CCSER1: variants seen among roughly 807,000 people sequenced by gnomAD.
The protein encoded by CCSER1 is coiled-coil serine rich protein 1.
In CCSER1, 41 loss-of-function variants were observed where a neutral mutation model predicts 82.0. The ratio of observed to expected loss-of-function variants is 0.50; its 90% CI spans 0.39 to 0.65. The LOEUF (loss-of-function observed/expected upper bound fraction) is 0.65, where lower values mean the gene tolerates loss of function less well. CCSER1 is among the 30% of genes least tolerant of loss of function. The pLI, the probability that CCSER1 is intolerant of heterozygous loss-of-function variation, is 0.00. For missense variants in CCSER1, 1,119 were observed against 1,064.2 expected (o/e 1.05, Z -0.72); for synonymous variants, 414 against 383.9 (o/e 1.08, Z -0.92).
intron 10 of CCSER1, among the ~76,000 whole-genome samples, chr4:91,201,686 C>T (rs1735911434): frequency 6.6e-6 from 1 of 152,030 alleles, no homozygotes; most frequent in Admixed American, 6.6e-5. Flanking sequence ...GTGATTACGT[C>T]TGAATTTCTG....
chr4:90,699,394 G>A (rs923301021), intron 6 of CCSER1, among the ~76,000 whole-genome samples: 5 of 152,152 alleles, frequency 3.3e-5, no homozygotes, highest in Non-Finnish European at 7.3e-5. Context: ...GAACCTGGGA[G>A]GTGAAGGTTA....
chr4:90,852,236 TAGCGTATAA>T (rs1763972626), intron 8 of CCSER1, among the ~76,000 whole-genome samples: 1 of 152,212 alleles, frequency 6.6e-6, no homozygotes, highest in African/African-American at 2.4e-5. Context: ...TCTTGCTGAA[TAGCGTATAA>T]TTATGGCTCA....
intron 8 of CCSER1, among the ~76,000 whole-genome samples, chr4:90,836,649 C>T (rs1254817928): frequency 6.6e-6 from 1 of 152,176 alleles, no homozygotes; most frequent in East Asian, 1.9e-4. Flanking sequence ...CAGCCACAGC[C>T]ACACACTAGA....
At chr4:90,505,842 C>T (rs572708809) in intron 5 of CCSER1, among the ~76,000 whole-genome samples, 142 of 152,186 alleles carry the variant, frequency 9.3e-4, no homozygotes, top group African/African-American at 3.3e-3. Flanking sequence ...ACTTCTTTAC[C>T]GCATCCTGTT....
chr4:91,426,884 A>G (rs1461591522), intron 10 of CCSER1, among the ~76,000 whole-genome samples: 3 of 152,172 alleles, frequency 2.0e-5, no homozygotes, highest in Non-Finnish European at 4.4e-5. Context: ...GAACCCTATG[A>G]GTCAGACACT....
chr4:90,770,573 T>TTAAA (rs1228638709), intron 7 of CCSER1, among the ~76,000 whole-genome samples: 1 of 152,218 alleles, frequency 6.6e-6, no homozygotes, highest in African/African-American at 2.4e-5. Context: ...ATCTCTTATG[T>TTAAA]TAACTATTAT....
chr4:90,933,485 A>T (rs545410700), intron 9 of CCSER1, among the ~76,000 whole-genome samples: 1 of 150,762 alleles, frequency 6.6e-6, no homozygotes, highest in East Asian at 1.9e-4. Context: ...CCGTGCCAGG[A>T]TGAAGTGTTT....
rs570486703 is a variant in CCSER1 at position 91,357,625 on chromosome 4, T to C, written c.2218-240947T>C. Among the ~76,000 whole-genome samples, 45 of 152,202 alleles carry C rather than the reference T, an allele frequency of 3.0e-4. No homozygotes were observed. The South Asian group carries it at 5.4e-3, about 18-fold the overall frequency. On this transcript the variant is annotated intron_variant, in intron 10 of 10. Coordinates refer to ENST00000509176, the MANE Select transcript of CCSER1 (RefSeq NM_001145065.2). ...TTTTTACCAAAGGTATATTTTACTT[T>C]TCTTATACACTTCGCACATAAACTG...
chr4:90,939,092 A>G (rs1474445623), intron 9 of CCSER1, among the ~76,000 whole-genome samples: 1 of 152,110 alleles, frequency 6.6e-6, no homozygotes, highest in Non-Finnish European at 1.5e-5. Context: ...GTCTTAATTT[A>G]ATTTCATCAC....
intron 9 of CCSER1, among the ~76,000 whole-genome samples, chr4:91,050,839 T>C (rs1243421872): frequency 6.6e-6 from 1 of 152,210 alleles, no homozygotes; most frequent in Non-Finnish European, 1.5e-5. Flanking sequence ...ACTCTCTTCT[T>C]TCAAGTTTCT....
chr4:91,438,480 T>C (rs1754842981), intron 10 of CCSER1, among the ~76,000 whole-genome samples: 1 of 152,054 alleles, frequency 6.6e-6, no homozygotes, highest in Non-Finnish European at 1.5e-5. Context: ...AAAACCCATC[T>C]GTACATCACC....
At chr4:91,291,042 C>T (rs1273891887) in intron 10 of CCSER1, among the ~76,000 whole-genome samples, 2 of 151,036 alleles carry the variant, frequency 1.3e-5, no homozygotes, top group Non-Finnish European at 3.0e-5. Context: ...AAATTAGCAC[C>T]TCTTATTAAA....
At chr4:91,037,121 T>A (rs980876555) in intron 9 of CCSER1, among the ~76,000 whole-genome samples, 1 of 152,114 alleles carries the variant, frequency 6.6e-6, no homozygotes, top group East Asian at 1.9e-4. Flanking sequence ...AATAAACTGA[T>A]GCCTGAACTG....
intron 10 of CCSER1, among the ~76,000 whole-genome samples, chr4:91,219,260 A>T (rs549587272): frequency 6.6e-6 from 1 of 150,954 alleles, no homozygotes; most frequent in Non-Finnish European, 1.5e-5. Context: ...TACACTGGCC[A>T]ATTTTCTTTG....
intron 1 of CCSER1, among the ~76,000 whole-genome samples, chr4:90,180,418 G>A (rs1291840064): frequency 2.6e-5 from 4 of 151,916 alleles, no homozygotes; most frequent in East Asian, 1.9e-4. Context: ...GTGAAACCGC[G>A]TCTCTACTAA....
chr4:91,053,574 A>G (rs961620864), intron 9 of CCSER1, among the ~76,000 whole-genome samples: 1 of 152,198 alleles, frequency 6.6e-6, no homozygotes, highest in Non-Finnish European at 1.5e-5. Flanking sequence ...CCTCCAGAGG[A>G]TAGAGTATTT....
chr4:90,795,017 C>T (rs534296204), intron 7 of CCSER1, among the ~76,000 whole-genome samples: 14 of 151,992 alleles, frequency 9.2e-5, no homozygotes, highest in South Asian at 4.2e-4. Context: ...TGGCTGGGTG[C>T]GGTGGCTCAC....
chr4:91,489,737 G>A (rs1578599181), intron 10 of CCSER1, among the ~76,000 whole-genome samples: 1 of 152,012 alleles, frequency 6.6e-6, no homozygotes, highest in South Asian at 2.1e-4. Context: ...GCAGTGAGCC[G>A]AGATCGCTCC....
chr4:90,208,567 C>T (rs1250975400), intron 1 of CCSER1, among the ~76,000 whole-genome samples: 1 of 152,052 alleles, frequency 6.6e-6, no homozygotes, highest in Non-Finnish European at 1.5e-5. Context: ...AAAACTCCTG[C>T]AGCTAGCTCA....
Sources: allele counts gnomAD v4.1 joint callset (sites outside exome capture counted in the v4.1 genomes callset), GRCh38; gene constraint gnomAD v4.1.1; transcripts MANE v1.5; gene names NCBI Gene and HGNC (gene_info 2026-07-23, HGNC 2026-07-21).